The following LARP1B variants were observed in gnomAD, a reference collection of about 807,000 sequenced individuals.
LARP1B encodes la-related protein 1B.
Under a neutral mutation model 114.2 loss-of-function variants are expected in LARP1B, and 76 were observed. The observed-to-expected ratio is 0.67, with a 90% confidence interval of 0.55 to 0.81. LARP1B has a LOEUF of 0.81. Ranked by LOEUF, LARP1B falls within the 30% of genes least tolerant of loss-of-function variation. The pLI is 0.00. For synonymous variants in LARP1B, 345 were observed against 348.0 expected, an observed-to-expected ratio of 0.99 and a Z score of 0.10; for missense variants, 1,014 against 1,075.8, an observed-to-expected ratio of 0.94 and a Z score of 0.80.
intron 12 of LARP1B, among the ~76,000 whole-genome samples, chr4:128,170,862 TTTTTC>T (rs1235781364): frequency 3.4e-5 from 5 of 145,016 alleles, no homozygotes; most frequent in Middle Eastern, 3.5e-3. Context: ...ATTCATTTTC[TTTTTC>T]TTTTCTTTTT....
intron 7 of LARP1B, among the ~76,000 whole-genome samples, chr4:128,094,559 A>G (rs1291711295): frequency 1.3e-5 from 2 of 151,492 alleles, no homozygotes; most frequent in Non-Finnish European, 1.5e-5. Flanking sequence ...GGCACGTGAC[A>G]CTGCGCCCAG....
intron 7 of LARP1B, among the ~76,000 whole-genome samples, 175 bp downstream of exon 7, chr4:128,091,687 C>T (rs766405425): frequency 5.3e-5 from 8 of 151,816 alleles, no homozygotes; most frequent in Non-Finnish European, 1.2e-4. Context: ...ACCTCTGCCT[C>T]CTGGGTTCAA....
At chr4:128,206,683 T>TG (rs1757689076) in intron 18 of LARP1B, 146 bp downstream of exon 18, 3 of 1,378,640 alleles carry the variant, frequency 2.2e-6, no homozygotes, top group Non-Finnish European at 2.8e-6. Flanking sequence ...TGATGAAGGA[T>TG]GGGGCACCAG....
At chr4:128,143,812 T>TGTGTGTGTGTGTGTGTGTGTGA (rs1729151368) in intron 11 of LARP1B, among the ~76,000 whole-genome samples, 4 of 152,096 alleles carry the variant, frequency 2.6e-5, no homozygotes, top group Non-Finnish European at 4.4e-5. Flanking sequence ...TGTGTGTGTG[T>TGTGTGTGTGTGTGTGTGTGTGA]GTGTGTATCT....
At chr4:128,202,341 C>A (rs1381747093) in intron 17 of LARP1B, among the ~76,000 whole-genome samples, 3 of 152,290 alleles carry the variant, frequency 2.0e-5, no homozygotes, top group Non-Finnish European at 4.4e-5. Flanking sequence ...TTCTAACATG[C>A]TTTAAAAAAT....
At chr4:128,092,217 A>G (rs1356645890) in intron 7 of LARP1B, among the ~76,000 whole-genome samples, 1 of 152,166 alleles carries the variant, frequency 6.6e-6, no homozygotes, top group Non-Finnish European at 1.5e-5. Flanking sequence ...AATTAACATA[A>G]ATAAAAAATG....
intron 11 of LARP1B, chr4:128,155,873 A>T: frequency 1.3e-6 from 2 of 1,558,564 alleles, no homozygotes; most frequent in Non-Finnish European, 1.8e-6. Context: ...GAGCGCCTGG[A>T]GCTGGTGCTG....
chr4:128,124,946 C>T (rs1789081193), intron 11 of LARP1B, among the ~76,000 whole-genome samples: 1 of 152,158 alleles, frequency 6.6e-6, no homozygotes. Context: ...GTTTAGTACT[C>T]ATTTTTGACC....
intron 5 of LARP1B, among the ~76,000 whole-genome samples, chr4:128,086,977 C>CT (rs200559108): frequency 7.3e-5 from 11 of 151,398 alleles, no homozygotes; most frequent in Admixed American, 3.3e-4. Flanking sequence ...TGGCCAGATA[C>CT]TTTTTTTTTG....
intron 19 of LARP1B, among the ~76,000 whole-genome samples, chr4:128,208,933 T>G (rs1283344162): frequency 1.3e-5 from 2 of 152,226 alleles, no homozygotes; most frequent in Non-Finnish European, 2.9e-5. Flanking sequence ...TTAAACATTT[T>G]CACTTAAGCA....
chr4:128,165,336 A>G (rs1443967650), intron 12 of LARP1B, among the ~76,000 whole-genome samples: 1 of 151,866 alleles, frequency 6.6e-6, no homozygotes, highest in Non-Finnish European at 1.5e-5. Flanking sequence ...ATGAACAGAA[A>G]AATATAAAAA....
chr4:128,062,214 A>C (rs1199724051), intron 1 of LARP1B: 1 of 985,390 alleles, frequency 1.0e-6, no homozygotes, highest in East Asian at 1.1e-4. Flanking sequence ...GAAACCCTGG[A>C]GGCAGGTCTG....
rs182180210 is a variant in LARP1B, at chr4:128,121,380, C to T, written c.1162-446C>T. On this transcript the variant is annotated intron_variant, in intron 10 of 19. Coordinates refer to ENST00000326639, the MANE Select transcript of LARP1B (RefSeq NM_018078.4). ...TCGCCCAGGCTCTAGCGCAATGGCG[C>T]GATCTTGGCTCACTGCAACCTCCCT... Among the ~76,000 whole-genome samples, 427 of 152,164 alleles carry T rather than the reference C, an allele frequency of 2.8e-3. 1 individual carries two copies. The highest frequency in any genetic ancestry group is 4.5e-3 in the African/African-American group (185 of 41,514).
At chr4:128,066,701 T>G (rs1240352210) in intron 1 of LARP1B, among the ~76,000 whole-genome samples, 3 of 151,444 alleles carry the variant, frequency 2.0e-5, no homozygotes, top group Admixed American at 2.0e-4. Context: ...TGGTCTCGAC[T>G]TCCTGACCTC....
intron 15 of LARP1B, among the ~76,000 whole-genome samples, chr4:128,186,921 G>A (rs145133632): frequency 5.9e-4 from 90 of 152,202 alleles, no homozygotes; most frequent in Middle Eastern, 3.4e-3. Flanking sequence ...TGCTTCAGAG[G>A]GTGCAAACCA....
At chr4:128,150,275 A>G (rs1254221767) in intron 11 of LARP1B, among the ~76,000 whole-genome samples, 4 of 150,574 alleles carry the variant, frequency 2.7e-5, no homozygotes. Flanking sequence ...TATCTCAACT[A>G]TAGCTTTAAT....
At chr4:128,097,715 A>C (rs77967956) in intron 7 of LARP1B, among the ~76,000 whole-genome samples, 2,733 of 152,280 alleles carry the variant, frequency 0.018, 65 homozygotes, top group East Asian at 0.1. Flanking sequence ...ACTTTTCTGT[A>C]TGTGAATTTG....
intron 15 of LARP1B, among the ~76,000 whole-genome samples, chr4:128,195,281 C>G (rs1753705195): frequency 6.6e-6 from 1 of 152,178 alleles, no homozygotes; most frequent in East Asian, 1.9e-4. Context: ...TTTTACTAAT[C>G]TAAGTATTCG....
At chr4:128,107,915 T>C (rs1314267671) in intron 9 of LARP1B, 3 of 1,535,954 alleles carry the variant, frequency 2.0e-6, no homozygotes, top group South Asian at 2.4e-5. Flanking sequence ...CTCTTGGATG[T>C]CATTTGATCG....
Sources: gnomAD v4.1 joint callset for allele counts (sites outside exome capture counted in the v4.1 genomes callset) on GRCh38, gnomAD v4.1.1 for gene constraint, MANE v1.5 for transcripts, NCBI Gene and HGNC (gene_info 2026-07-23, HGNC 2026-07-21) for gene names.